Variants in CD300LF observed in about 807,000 individuals in gnomAD.
CD300LF encodes the protein CMRF35-like molecule 1.
In CD300LF, 27 loss-of-function variants were observed where a neutral mutation model predicts 32.2. That is an observed-to-expected ratio of 0.84 (90% confidence interval 0.62 to 1.15). CD300LF has a LOEUF of 1.15. Ranked by LOEUF, CD300LF falls within the 50% of genes most tolerant of loss-of-function variation. The pLI is 0.00. For missense variants in CD300LF, 348 were observed against 356.8 expected (o/e 0.98, Z 0.20); for synonymous variants, 139 against 143.2 (o/e 0.97, Z 0.21).
intron 3 of CD300LF, among the ~76,000 whole-genome samples, chr17:74,702,465 A>C (rs2033142428): frequency 6.6e-6 from 1 of 152,218 alleles, no homozygotes; most frequent in African/African-American, 2.4e-5. Context: ...AAAACAAAAT[A>C]ATGCACAGGA....
Position 74,695,785 on chromosome 17 carries a change from C to T in CD300LF, c.657G>A (p.Lys219=). 6.2e-7 allele frequency: 1 copy of T among 1,614,170 alleles called. No homozygotes were observed. Among genetic ancestry groups the T allele is most frequent in the Non-Finnish European group, 8.5e-7 (1 of 1,180,022 alleles). ...GGGCAGAGGAAAGCTTCGTGGTAGC[C>T]TTTTGCGGGGAGGTTCCGGCCAGCT... ...TLQLAGTSPQ[K]ATTKLSSAQV... is the part of the protein sequence containing the mutation. Residue 219 remains lysine (K), a synonymous_variant, in exon 6 of 7, where the codon AAG becomes AAA. Coordinates refer to ENST00000326165, the MANE Select transcript of CD300LF (RefSeq NM_139018.5).
intron 1 of CD300LF, among the ~76,000 whole-genome samples, chr17:74,707,633 T>G (rs528345676): frequency 6.6e-6 from 1 of 151,670 alleles, no homozygotes; most frequent in Admixed American, 6.6e-5. Flanking sequence ...GAGAATCGTC[T>G]GAACCTGGGA....
intron 2 of CD300LF, 49 bp from the exon 3 acceptor site, chr17:74,703,147 T>C: frequency 1.2e-6 from 2 of 1,611,348 alleles, no homozygotes; most frequent in Non-Finnish European, 1.7e-6. Flanking sequence ...GTCGACGCTG[T>C]AGTTGATGCT....
chr17:74,709,116 C>G (rs1047528990), intron 1 of CD300LF, among the ~76,000 whole-genome samples: 9 of 149,998 alleles, frequency 6.0e-5, no homozygotes, highest in Admixed American at 5.3e-4. Flanking sequence ...CCCAGCTGCT[C>G]GGGAGGCTGA....
rs528409947 is a variant in CD300LF, at chr17:74,700,978, C to T, written c.446+2057G>A. On this transcript the variant is annotated intron_variant, in intron 3 of 6. Coordinates refer to ENST00000326165, the MANE Select transcript of CD300LF (RefSeq NM_139018.5). ...TAGAAGAGATCAGGACACAGACACA[C>T]GCAGAGGGACGACCACGTGAACACA... 3.3e-5 allele frequency among the ~76,000 whole-genome samples: 5 copies of T among 152,232 alleles called. 1 individual carries two copies. The South Asian group carries it at 6.2e-4, about 19-fold the overall frequency.
rs117538034 is a variant in CD300LF, at chr17:74,705,876, G to A, written c.44-1060C>T. ...TCACAAAGTGTTGGGATTACAGGCG[G>A]GCCCCACAACGCCTGGCCTGTATTT... On this transcript the variant is annotated intron_variant, in intron 1 of 6. Coordinates refer to ENST00000326165, the MANE Select transcript of CD300LF (RefSeq NM_139018.5). Among the ~76,000 whole-genome samples, 97 of 152,230 alleles carry A rather than the reference G, an allele frequency of 6.4e-4. 2 individuals carry two copies. In the East Asian group the frequency reaches 0.018, roughly 28 times the overall value.
intron 1 of CD300LF, among the ~76,000 whole-genome samples, chr17:74,711,030 C>A (rs2033922071): frequency 6.6e-6 from 1 of 152,018 alleles, no homozygotes; most frequent in Non-Finnish European, 1.5e-5. Flanking sequence ...CAGACTGAGA[C>A]CCCAACTCAA....
chr17:74,695,858 A>G lies in CD300LF; in HGVS notation c.584T>C (p.Val195Ala). Residue 195 changes from valine to alanine, a missense_variant and splice_region_variant, in exon 6 of 7, where the codon GTA becomes GCA. Val to Ala is a moderately conservative substitution (Grantham distance 64). Transcript: ENST00000326165. Reference protein sequence around the residue: ...QKAAGMSPEQVLQPLEGDLCY... With the variant: ...QKAAGMSPEQALQPLEGDLCY... Reference sequence around the variant, plus strand: ...GAGGTCGCCCTCCAGGGGCTGCAGTACCTGGGACAGGGAACACAGGCTGGG... The same window carrying G: ...GAGGTCGCCCTCCAGGGGCTGCAGTGCCTGGGACAGGGAACACAGGCTGGG... 6.2e-7 allele frequency: 1 copy of G among 1,613,108 alleles called. No homozygotes were observed. Among genetic ancestry groups the G allele is most frequent in the Non-Finnish European group, 8.5e-7 (1 of 1,179,476 alleles).
rs756327287 is a variant in CD300LF, at chr17:74,703,082, T to C, written c.399A>G (p.Glu133=). 21 of 1,613,918 alleles carry C rather than the reference T, an allele frequency of 1.3e-5. No homozygotes were observed. The Admixed American group carries it at 2.7e-4, about 20-fold the overall frequency. ...TCAGAGTTGGGGAGCTGCTAGTTTC[T>C]TCTTGGGTGACTGGTGCTGTAAACG... ...VTIDPAPVTQ[E]ETSSSPTLTG... Residue 133 remains glutamate, a synonymous_variant, in exon 3 of 7, where the codon GAA becomes GAG. Coordinates refer to ENST00000326165, the MANE Select transcript of CD300LF (RefSeq NM_139018.5).
chr17:74,708,062 C>T (rs555023540), intron 1 of CD300LF, among the ~76,000 whole-genome samples: 8 of 150,644 alleles, frequency 5.3e-5, no homozygotes, highest in East Asian at 1.9e-4. Flanking sequence ...ACAGGAGAAT[C>T]GCTTGAACCC....
intron 3 of CD300LF, among the ~76,000 whole-genome samples, chr17:74,700,105 G>A (rs2032899931): frequency 6.6e-6 from 1 of 151,748 alleles, no homozygotes; most frequent in Non-Finnish European, 1.5e-5. Flanking sequence ...TCGCGCCACT[G>A]CACTCCAGCC....
At chr17:74,707,526 G>A (rs1213294536) in intron 1 of CD300LF, among the ~76,000 whole-genome samples, 1 of 151,942 alleles carries the variant, frequency 6.6e-6, no homozygotes, top group African/African-American at 2.4e-5. Flanking sequence ...ACCAGCCTAG[G>A]CAACATGGTG....
chr17:74,696,019 C>T (rs907448152), intron 5 of CD300LF, among the ~76,000 whole-genome samples, 160 bp from the exon 6 acceptor site: 1 of 152,184 alleles, frequency 6.6e-6, no homozygotes, highest in Admixed American at 6.5e-5. Flanking sequence ...ACCCCTCAGC[C>T]CTTGTCCCCC....
chr17:74,709,865 G>T (rs115732374), intron 1 of CD300LF, among the ~76,000 whole-genome samples: 304 of 152,064 alleles, frequency 2.0e-3, no homozygotes, highest in African/African-American at 6.1e-3. Flanking sequence ...GAGCCATCAT[G>T]CATCACCAGC....
chr17:74,696,059 C>T, intron 5 of CD300LF, 136 bp downstream of exon 5: 1 of 1,292,578 alleles, frequency 7.7e-7, no homozygotes, highest in South Asian at 1.4e-5. Context: ...AGCCCCCAGG[C>T]CCTGCAGGGT....
At chr17:74,711,882 C>CT (rs368059740) in intron 1 of CD300LF, among the ~76,000 whole-genome samples, 5 of 147,732 alleles carry the variant, frequency 3.4e-5, no homozygotes, top group South Asian at 2.2e-4. Flanking sequence ...TGTTTTCTTT[C>CT]TTTTTTTTTC....
At chr17:74,705,361 CA>C in intron 1 of CD300LF, 1 of 656,322 alleles carries the variant, frequency 1.5e-6, no homozygotes, top group Non-Finnish European at 2.8e-6. Context: ...ACAGCAACGG[CA>C]ACTGGTCTCC....
chr17:74,710,478 T>C (rs1216428887), intron 1 of CD300LF, among the ~76,000 whole-genome samples: 1 of 152,040 alleles, frequency 6.6e-6, no homozygotes, highest in Non-Finnish European at 1.5e-5. Flanking sequence ...GAAAGTAAAG[T>C]AGAAAAGTGC....
At chr17:74,703,198 C>A (rs945515303) in intron 2 of CD300LF, 100 bp from the exon 3 acceptor site, 3 of 1,419,812 alleles carry the variant, frequency 2.1e-6, no homozygotes, top group South Asian at 2.4e-5. Flanking sequence ...GCCCATGAGC[C>A]CACCCGCAGC....
Sources: allele counts gnomAD v4.1 joint callset (sites outside exome capture counted in the v4.1 genomes callset), GRCh38; gene constraint gnomAD v4.1.1; transcripts MANE v1.5; gene names NCBI Gene and HGNC (gene_info 2026-07-23, HGNC 2026-07-21).